Variants in ATP6V0A2 observed in about 807,000 individuals in gnomAD.
ATP6V0A2 encodes V-type proton ATPase 116 kDa subunit a 2.
In ATP6V0A2, 58 loss-of-function variants were observed where a neutral mutation model predicts 104.4. The observed-to-expected ratio is 0.56, with a 90% CI of 0.45 to 0.69. The LOEUF is 0.69. Ranked by LOEUF, ATP6V0A2 falls within the 30% of genes least tolerant of loss-of-function variation. ATP6V0A2 has a pLI of 0.00. For missense variants in ATP6V0A2, 938 were observed against 1,062.9 expected, an observed-to-expected ratio of 0.88 and a Z score of 1.63; for synonymous variants, 376 against 397.9, an observed-to-expected ratio of 0.95 and a Z score of 0.65.
In ATP6V0A2 at chr12:123,758,021, A is replaced by C. The variant is rs773898986; in HGVS notation, c.2560A>C (p.Ser854Arg). ...LLSSKFNNDD[S>R]VA ...TTCATCAAAGTTCAATAACGACGACAGTGTGGCATGATCATATTGCTGTAA... is the reference window on the plus strand; with the variant it reads ...TTCATCAAAGTTCAATAACGACGACCGTGTGGCATGATCATATTGCTGTAA... Residue 854 changes from serine (S) to arginine (R), a missense_variant, in exon 20 of 20, where the codon AGT (serine) becomes CGT (arginine). By Grantham distance (110) the Ser-to-Arg change is moderately radical (BLOSUM62 -1). Transcript: ENST00000330342. 2.5e-6 allele frequency: 4 copies of C among 1,609,872 alleles called. No homozygotes were observed. Among genetic ancestry groups the C allele is most frequent in the Non-Finnish European group, 3.4e-6 (4 of 1,176,416 alleles).
chr12:123,755,846 G>C (rs1956757802), intron 18 of ATP6V0A2, among the ~76,000 whole-genome samples: 1 of 151,902 alleles, frequency 6.6e-6, no homozygotes, highest in African/African-American at 2.4e-5. Context: ...ACTTTGGGAG[G>C]CCTAGGCGGG....
chr12:123,752,142 G>A, intron 16 of ATP6V0A2, 141 bp from the exon 17 acceptor site: 1 of 1,027,712 alleles, frequency 9.7e-7, no homozygotes, highest in Non-Finnish European at 1.4e-6. Flanking sequence ...TTACAGGTGT[G>A]AGCCACTGTG....
intron 17 of ATP6V0A2, 110 bp from the exon 18 acceptor site, chr12:123,754,310 A>C (rs1193896008): frequency 7.0e-6 from 6 of 859,174 alleles, no homozygotes; most frequent in South Asian, 6.7e-5. Context: ...TCTTACCAGC[A>C]TCCAGCCGGC....
intron 2 of ATP6V0A2, 115 bp from the exon 3 acceptor site, chr12:123,722,236 G>GCA: frequency 1.3e-6 from 1 of 788,916 alleles, no homozygotes; most frequent in African/African-American, 1.7e-5. Flanking sequence ...AGATTTTTGT[G>GCA]CATTTAGACA....
At chr12:123,724,035 T>C (rs767676185) in intron 3 of ATP6V0A2, 6 of 152,094 alleles carry the variant, frequency 3.9e-5, no homozygotes, top group Non-Finnish European at 8.8e-5. Context: ...TTAGCTAATA[T>C]GTGGTGTGAA....
Position 123,744,225 on chromosome 12 carries a change from C to A in ATP6V0A2, c.1214C>A (p.Pro405Gln). The change falls in exon 11 of 20, where the codon CCG (proline) becomes CAG (glutamine). Residue 405 changes from proline to glutamine, a missense_variant. Transcript: ENST00000330342. The surrounding 1 kb of genome is among the most constrained non-coding windows in gnomAD (Gnocchi z 5.4). ...GCTCTCTTTACCATCATCACCTTCC[C>A]GTTTTTATTTGCTGTGATGTTTGGA... is the stretch of plus-strand genomic sequence containing the variant. ...NPALFTIITF[P>Q]FLFAVMFGDF... The A allele has an allele frequency of 6.2e-7, 1 of 1,613,992 alleles. No homozygotes were observed. Among genetic ancestry groups the A allele is most frequent in the East Asian group, 2.2e-5 (1 of 44,892 alleles).
At chr12:123,740,794 G>A (rs184722557) in intron 9 of ATP6V0A2, among the ~76,000 whole-genome samples, 1 of 152,076 alleles carries the variant, frequency 6.6e-6, no homozygotes, top group East Asian at 1.9e-4. Flanking sequence ...TTCTCTTACG[G>A]CAGTATGAGG....
At position 123,743,874 on chromosome 12, in the gene ATP6V0A2, C is replaced by T. The variant is rs138172178; in HGVS notation, c.1128C>T (p.Thr376=). The change falls in exon 10 of 20, where the codon ACC becomes ACT. Residue 376 remains threonine (T), a synonymous_variant. Coordinates refer to ENST00000330342, the MANE Select transcript of ATP6V0A2 (RefSeq NM_012463.4). ...PPTRIRTNKF[T]EGFQNIVDAY... ...CTCGGATCCGCACCAACAAATTCAC[C>T]GAGGGATTTCAGAACATCGTGGATG... 2.1e-4 allele frequency: 332 copies of T among 1,614,132 alleles called. 3 individuals carry two copies. In the South Asian group the frequency reaches 2.5e-3, roughly 12 times the overall value.
intron 18 of ATP6V0A2, chr12:123,754,853 A>C: frequency 2.5e-6 from 1 of 402,746 alleles, no homozygotes. Context: ...TGGTGTAAGC[A>C]CTTGCTACTG....
At chr12:123,750,930 C>G in intron 15 of ATP6V0A2, 180 bp from the exon 16 acceptor site, 2 of 728,346 alleles carry the variant, frequency 2.7e-6, no homozygotes, top group Middle Eastern at 3.9e-4. Flanking sequence ...TTCATCAGTT[C>G]TAGAATTCAG....
rs1204196052 is a variant in ATP6V0A2, at chr12:123,744,465, G to T, written c.1326+128G>T. ...TGGGCAGGTGTGTGGCCTGTCAGCT[G>T]CGGCTGACAGGGATGTCTGCGGGGC... On this transcript the variant is annotated intron_variant, in intron 11 of 19. Transcript: ENST00000330342. This position sits in a 1 kb window ranked among gnomAD's most constrained non-coding sequence, Gnocchi z 5.4. The T allele has an allele frequency of 1.9e-6, 3 of 1,556,448 alleles. No individual in the cohort carries two copies. Among genetic ancestry groups the T allele is most frequent in the African/African-American group, 2.7e-5 (2 of 73,674 alleles).
intron 15 of ATP6V0A2, among the ~76,000 whole-genome samples, chr12:123,749,729 C>T (rs533523103): frequency 1.2e-4 from 19 of 152,198 alleles, no homozygotes; most frequent in African/African-American, 2.2e-4. Context: ...CTCCTGCCCA[C>T]GGATGCTGGT....
At chr12:123,757,613 T>G (rs1201509339) in intron 19 of ATP6V0A2, among the ~76,000 whole-genome samples, 1 of 152,202 alleles carries the variant, frequency 6.6e-6, no homozygotes, top group Non-Finnish European at 1.5e-5. Flanking sequence ...TGTTTTATGG[T>G]GTAGGTCAGA....
In ATP6V0A2 at chr12:123,744,169, G is replaced by A. The variant is rs1462039093; in HGVS notation, c.1190-32G>A. On this transcript the variant is annotated intron_variant, in intron 10 of 19. Coordinates refer to ENST00000330342, the MANE Select transcript of ATP6V0A2 (RefSeq NM_012463.4). This position sits in a 1 kb window ranked among gnomAD's most constrained non-coding sequence, Gnocchi z 5.4. ...AACTCAGGTTTTCCATATTTGCTGT[G>A]AATCAGAAATCTCTTTCCCTTTTTT... 6.2e-7 allele frequency: 1 copy of A among 1,613,890 alleles called. No individual in the cohort carries two copies. The highest frequency in any genetic ancestry group is 1.1e-5 in the South Asian group (1 of 91,062).
chr12:123,730,860 C>G (rs1956495633), intron 6 of ATP6V0A2: 1 of 152,194 alleles, frequency 6.6e-6, no homozygotes, highest in South Asian at 2.1e-4. Context: ...GTGCACACCA[C>G]CACTCCTGGC....
At chr12:123,748,442 A>G in intron 14 of ATP6V0A2, 133 bp from the exon 15 acceptor site, 1 of 770,068 alleles carries the variant, frequency 1.3e-6, no homozygotes, top group Non-Finnish European at 2.3e-6. Flanking sequence ...ACTCAGATGT[A>G]TCTGGATTCA....
At chr12:123,715,478 C>T (rs1323805797) in intron 1 of ATP6V0A2, among the ~76,000 whole-genome samples, 1 of 152,154 alleles carries the variant, frequency 6.6e-6, no homozygotes, top group Non-Finnish European at 1.5e-5. Context: ...AGAACTGAGT[C>T]AGACACTGAG....
intron 6 of ATP6V0A2, among the ~76,000 whole-genome samples, chr12:123,729,834 A>G (rs1956483706): frequency 6.6e-6 from 1 of 152,080 alleles, no homozygotes; most frequent in Non-Finnish European, 1.5e-5. Flanking sequence ...TTACTTTTTT[A>G]GATGGAGTCT....
intron 7 of ATP6V0A2, among the ~76,000 whole-genome samples, chr12:123,735,142 C>CATGTGT (rs1555297418): frequency 6.7e-5 from 10 of 148,392 alleles, no homozygotes; most frequent in Admixed American, 3.4e-4. Flanking sequence ...CTTTTGTTTT[C>CATGTGT]GTGTGTGTGT....
Sources: gnomAD v4.1 joint callset for allele counts (sites outside exome capture counted in the v4.1 genomes callset) on GRCh38, gnomAD v4.1.1 for gene constraint, Gnocchi (gnomAD v3.1) non-coding constraint, MANE v1.5 for transcripts, NCBI Gene and HGNC (gene_info 2026-07-23, HGNC 2026-07-21) for gene names.